Variants in TMEM117 observed in about 807,000 individuals in gnomAD.
The protein encoded by TMEM117 is transmembrane protein 117.
In TMEM117, 27 loss-of-function variants were observed where a neutral mutation model predicts 52.4. That is an observed-to-expected ratio of 0.51 (90% confidence interval 0.38 to 0.71). The LOEUF is 0.71. Among genes scored for constraint, TMEM117 ranks in the 30% least tolerant of loss-of-function variants. The pLI is 0.00. For missense variants in TMEM117, 556 were observed against 630.5 expected (o/e 0.88, Z 1.26); for synonymous variants, 215 against 206.3 (o/e 1.04, Z -0.36).
At chr12:44,166,107 T>G (rs1370779384) in intron 4 of TMEM117, among the ~76,000 whole-genome samples, 1 of 152,176 alleles carries the variant, frequency 6.6e-6, no homozygotes, top group African/African-American at 2.4e-5. Context: ...AATAAAAGTG[T>G]GCTCCTGAAT....
chr12:44,023,748 G>T (rs960335533), intron 3 of TMEM117, among the ~76,000 whole-genome samples: 3 of 139,658 alleles, frequency 2.1e-5, no homozygotes, highest in African/African-American at 8.0e-5. Context: ...TGAGTAGGTT[G>T]CAAAAATTTT....
At chr12:44,023,517 C>G (rs1946485199) in intron 3 of TMEM117, among the ~76,000 whole-genome samples, 1 of 152,092 alleles carries the variant, frequency 6.6e-6, no homozygotes. Context: ...GATCACCATT[C>G]TAACTGGTGT....
chr12:43,943,626 C>A (rs1755938657), intron 2 of TMEM117, among the ~76,000 whole-genome samples: 1 of 152,164 alleles, frequency 6.6e-6, no homozygotes, highest in African/African-American at 2.4e-5. Flanking sequence ...TACATTGTCA[C>A]CTCTCATATG....
At chr12:43,805,592 C>A in the TMEM117 span, 1 of 470,546 alleles carries the variant, frequency 2.1e-6, no homozygotes, top group Non-Finnish European at 4.2e-6. Context: ...GAACTGTCTG[C>A]ACGCATTACA....
chr12:44,307,642 G>T (rs1950920112), intron 6 of TMEM117, among the ~76,000 whole-genome samples: 1 of 152,192 alleles, frequency 6.6e-6, no homozygotes, highest in African/African-American at 2.4e-5. Context: ...TGCTAGTACA[G>T]CGGGGAGACA....
intron 2 of TMEM117, among the ~76,000 whole-genome samples, chr12:43,852,931 CTTTGTA>C (rs1335679054): frequency 1.3e-5 from 2 of 152,192 alleles, no homozygotes; most frequent in Non-Finnish European, 2.9e-5. Context: ...GAATGATGTT[CTTTGTA>C]TTCATTGAAG....
chr12:44,224,065 C>T (rs181321427), intron 5 of TMEM117, among the ~76,000 whole-genome samples: 2 of 152,152 alleles, frequency 1.3e-5, no homozygotes, highest in East Asian at 3.9e-4. Context: ...TTATAGCTTC[C>T]CTTCTAATAT....
chr12:44,163,662 G>A (rs773601148), intron 4 of TMEM117, among the ~76,000 whole-genome samples: 13 of 152,154 alleles, frequency 8.5e-5, no homozygotes, highest in African/African-American at 1.7e-4. Flanking sequence ...ATGATGATTG[G>A]AAAAATTATT....
At chr12:43,889,475 A>G (rs1944062268) in intron 2 of TMEM117, among the ~76,000 whole-genome samples, 1 of 152,182 alleles carries the variant, frequency 6.6e-6, no homozygotes, top group African/African-American at 2.4e-5. Context: ...GCTGCCACTG[A>G]TCTGACAGGA....
intron 3 of TMEM117, among the ~76,000 whole-genome samples, chr12:44,127,506 A>G (rs59628873): frequency 0.25 from 37,955 of 151,908 alleles, 8,404 homozygotes; most frequent in African/African-American, 0.6. Flanking sequence ...GAGAAACCCC[A>G]TCTCTATTAA....
At chr12:44,316,868 G>T (rs547941124) in intron 6 of TMEM117, among the ~76,000 whole-genome samples, 1 of 151,808 alleles carries the variant, frequency 6.6e-6, no homozygotes, top group Admixed American at 6.6e-5. Context: ...GTAGTATATT[G>T]ATAAAACCTT....
intron 3 of TMEM117, among the ~76,000 whole-genome samples, chr12:43,999,798 A>G (rs1415017657): frequency 6.6e-6 from 1 of 152,112 alleles, no homozygotes; most frequent in African/African-American, 2.4e-5. Flanking sequence ...GGCTGGATAT[A>G]GATGGATTTT....
intron 3 of TMEM117, among the ~76,000 whole-genome samples, chr12:44,034,941 GA>G (rs1222135305): frequency 1.3e-5 from 2 of 152,202 alleles, no homozygotes; most frequent in African/African-American, 2.4e-5. Flanking sequence ...AAAATGGAGA[GA>G]AAGGAGGAAT....
chr12:44,373,771 CTTTTTTT>C lies in TMEM117; in HGVS notation c.769-2802_769-2796del, dbSNP rs142046499. Among the ~76,000 whole-genome samples the C allele has an allele frequency of 5.0e-5, 3 of 60,038 alleles. No homozygotes were observed. In the Admixed American group the frequency reaches 8.3e-4, roughly 17 times the overall value. The allele number at this position is 60,038 out of a possible 152,430, so 39.4% of individuals were successfully genotyped here. ...TTCACCAGCCTAGGATGTCCATTTC[CTTTTTTT>C]TTTTTTTTTTTTTTTTTTTTTGAGA... On this transcript the variant is annotated intron_variant, in intron 6 of 7. Transcript: ENST00000266534.
intron 6 of TMEM117, among the ~76,000 whole-genome samples, chr12:44,364,756 A>G (rs190090683): frequency 4.3e-4 from 66 of 152,246 alleles, no homozygotes; most frequent in African/African-American, 1.5e-3. Flanking sequence ...TGTTACCCAT[A>G]TAGATCTTCT....
At chr12:44,004,432 A>T (rs1404348322) in intron 3 of TMEM117, among the ~76,000 whole-genome samples, 1 of 152,172 alleles carries the variant, frequency 6.6e-6, no homozygotes, top group Non-Finnish European at 1.5e-5. Flanking sequence ...TCTATCCGGG[A>T]TGCCAGCAAA....
chr12:43,860,296 G>T (rs1285381031), intron 2 of TMEM117, among the ~76,000 whole-genome samples: 1 of 151,854 alleles, frequency 6.6e-6, no homozygotes, highest in Non-Finnish European at 1.5e-5. Context: ...GAGCCTTAAT[G>T]ATATAGGACT....
At chr12:43,885,463 G>A (rs1350942947) in intron 2 of TMEM117, among the ~76,000 whole-genome samples, 1 of 62,842 alleles carries the variant, frequency 1.6e-5, no homozygotes, top group Non-Finnish European at 4.9e-5. Flanking sequence ...TCATGAGAAA[G>A]AACTTTTTTT....
chr12:44,040,526 G>C (rs1946780013), intron 3 of TMEM117, among the ~76,000 whole-genome samples: 1 of 152,088 alleles, frequency 6.6e-6, no homozygotes, highest in Non-Finnish European at 1.5e-5. Flanking sequence ...TTCATAATTT[G>C]AATAATTTAT....
Sources: gnomAD v4.1 joint callset for allele counts (sites outside exome capture counted in the v4.1 genomes callset) on GRCh38, gnomAD v4.1.1 for gene constraint, MANE v1.5 for transcripts, NCBI Gene and HGNC (gene_info 2026-07-23, HGNC 2026-07-21) for gene names.